SEPTIN14: variants seen among roughly 807,000 people sequenced by gnomAD.
SEPTIN14 encodes the protein septin 14, also known as septin-14.
Under a neutral mutation model 53.6 loss-of-function variants are expected in SEPTIN14, and 40 were observed. That is an observed-to-expected ratio of 0.75 (90% CI 0.58 to 0.97). The LOEUF is 0.97. Ranked by LOEUF, SEPTIN14 falls within the 50% of genes least tolerant of loss-of-function variation. The pLI, the probability that SEPTIN14 is intolerant of heterozygous loss-of-function variation, is 0.00. For missense variants in SEPTIN14, 471 were observed against 508.2 expected (o/e 0.93, Z 0.70); for synonymous variants, 138 against 166.8 (o/e 0.83, Z 1.33).
intron 2 of SEPTIN14, among the ~76,000 whole-genome samples, chr7:55,856,079 G>A (rs561782776): frequency 6.6e-6 from 1 of 152,032 alleles, no homozygotes; most frequent in Non-Finnish European, 1.5e-5. Context: ...TGAGTTGGGG[G>A]TGTGAATGAT....
At chr7:55,818,001 C>T (rs1788824863) in intron 7 of SEPTIN14, among the ~76,000 whole-genome samples, 1 of 151,806 alleles carries the variant, frequency 6.6e-6, no homozygotes, top group Non-Finnish European at 1.5e-5. Flanking sequence ...GAAGATTGAC[C>T]ACAATATATG....
At chr7:55,844,500 A>T in intron 4 of SEPTIN14, 23 bp downstream of exon 4, 1 of 1,363,928 alleles carries the variant, frequency 7.3e-7, no homozygotes, top group Admixed American at 2.3e-5. Context: ...AACCTTTTTT[A>T]ATTTAAATAA....
rs377669647 is a variant in SEPTIN14, at chr7:55,862,685, T to G, written c.-16+3A>C. On this transcript the variant is annotated splice_donor_region_variant and intron_variant, in intron 1 of 9. Transcript: ENST00000388975. ...TCAGACTCAGAAAGATTAAATAACTTACTTTCCCAGGGATTCAGCTGTGCA... is the reference window on the plus strand; with the variant it reads ...TCAGACTCAGAAAGATTAAATAACTGACTTTCCCAGGGATTCAGCTGTGCA... 6.6e-6 allele frequency: 1 copy of G among 152,198 alleles called. No homozygotes were observed. The highest frequency in any genetic ancestry group is 2.1e-4 in the South Asian group (1 of 4,830). The allele number at this position is 152,198 out of a possible 1,614,324, so 9.4% of individuals were successfully genotyped here. A position where few individuals can be genotyped will look rare whatever the true frequency, so the allele number is the denominator to read the frequency against.
intron 5 of SEPTIN14, 138 bp from the exon 6 acceptor site, chr7:55,834,724 G>GATCTAT: frequency 1.7e-6 from 1 of 580,794 alleles, no homozygotes; most frequent in Non-Finnish European, 2.9e-6. Context: ...CTCACTGCAA[G>GATCTAT]CTCCGCCTCC....
intron 7 of SEPTIN14, chr7:55,811,533 G>A (rs1484553840): frequency 1.8e-5 from 5 of 282,338 alleles, no homozygotes; most frequent in South Asian, 9.0e-5. Context: ...ATGGAGTCTT[G>A]CTCTGTTGCC....
intron 3 of SEPTIN14, among the ~76,000 whole-genome samples, chr7:55,846,100 T>C (rs1232927524): frequency 2.2e-5 from 3 of 134,932 alleles, no homozygotes; most frequent in African/African-American, 8.0e-5. Flanking sequence ...TATGTATACA[T>C]GCTAGCCCTG....
At chr7:55,834,349 A>T in intron 6 of SEPTIN14, 76 bp downstream of exon 6, 1 of 1,156,478 alleles carries the variant, frequency 8.6e-7, no homozygotes, top group Non-Finnish European at 1.2e-6. Context: ...AATTAAAAAA[A>T]TTAAAAATTC....
At chr7:55,822,076 C>T (rs1033126662) in intron 6 of SEPTIN14, among the ~76,000 whole-genome samples, 12 of 152,124 alleles carry the variant, frequency 7.9e-5, no homozygotes, top group Non-Finnish European at 1.6e-4. Context: ...CAGGAAAGAC[C>T]AGCCCCCATA....
chr7:55,839,323 A>G (rs1391570300), intron 5 of SEPTIN14, among the ~76,000 whole-genome samples: 2 of 149,988 alleles, frequency 1.3e-5, no homozygotes, highest in African/African-American at 4.9e-5. Context: ...CGAGAGGCAG[A>G]GGTTGCAGTG....
intron 5 of SEPTIN14, among the ~76,000 whole-genome samples, chr7:55,840,581 G>A (rs1191193402): frequency 1.3e-5 from 2 of 152,050 alleles, no homozygotes; most frequent in Non-Finnish European, 2.9e-5. Context: ...GCCAGACAAG[G>A]ACAGAGATTT....
intron 6 of SEPTIN14, among the ~76,000 whole-genome samples, chr7:55,824,195 C>A (rs1461232587): frequency 2.6e-5 from 4 of 152,038 alleles, no homozygotes; most frequent in Non-Finnish European, 4.4e-5. Flanking sequence ...TTAAAGATAA[C>A]AAGATAAGCC....
chr7:55,838,721 T>A (rs780526073), intron 5 of SEPTIN14, among the ~76,000 whole-genome samples: 19 of 151,900 alleles, frequency 1.3e-4, no homozygotes, highest in Non-Finnish European at 2.1e-4. Context: ...CTAATTTTTC[T>A]ATTTTTTTGT....
At chr7:55,861,807 A>C in intron 2 of SEPTIN14, 136 bp downstream of exon 2, 1 of 543,288 alleles carries the variant, frequency 1.8e-6, no homozygotes, top group Non-Finnish European at 3.1e-6. Flanking sequence ...TTAGTATAAA[A>C]GCTAATTCAT....
chr7:55,817,332 G>A (rs561175605), intron 7 of SEPTIN14, among the ~76,000 whole-genome samples: 3 of 152,126 alleles, frequency 2.0e-5, no homozygotes, highest in African/African-American at 7.2e-5. Context: ...GAGTAGAATG[G>A]TGGTTACGTG....
intron 6 of SEPTIN14, among the ~76,000 whole-genome samples, chr7:55,827,721 A>G (rs1789015938): frequency 6.6e-6 from 1 of 152,228 alleles, no homozygotes; most frequent in African/African-American, 2.4e-5. Flanking sequence ...TATCACCTGA[A>G]ACAACAGACA....
chr7:55,821,487 T>C (rs1189663327), intron 6 of SEPTIN14, among the ~76,000 whole-genome samples: 2 of 152,126 alleles, frequency 1.3e-5, no homozygotes, highest in African/African-American at 4.8e-5. Context: ...CCAAGGGACC[T>C]GAATAGCCAA....
At chr7:55,846,048 CAG>C (rs1562718582) in intron 3 of SEPTIN14, among the ~76,000 whole-genome samples, 4 of 9,566 alleles carry the variant, frequency 4.2e-4, no homozygotes, top group East Asian at 1.8e-3. Flanking sequence ...GACTCCGTCT[CAG>C]AAAAAAAAAA....
At chr7:55,840,067 C>T (rs1455997534) in intron 5 of SEPTIN14, among the ~76,000 whole-genome samples, 1 of 149,772 alleles carries the variant, frequency 6.7e-6, no homozygotes, top group Non-Finnish European at 1.5e-5. Flanking sequence ...ATCCCTTGAA[C>T]CTGGGAGACG....
intron 2 of SEPTIN14, among the ~76,000 whole-genome samples, chr7:55,854,593 C>T (rs1351900570): frequency 6.6e-6 from 1 of 152,062 alleles, no homozygotes; most frequent in African/African-American, 2.4e-5. Context: ...CCACGCCCGG[C>T]TAATTTTTTG....
Sources: gnomAD v4.1 joint callset for allele counts (sites outside exome capture counted in the v4.1 genomes callset) on GRCh38, gnomAD v4.1.1 for gene constraint, MANE v1.5 for transcripts, NCBI Gene and HGNC (gene_info 2026-07-23, HGNC 2026-07-21) for gene names.